CD109: variants seen among roughly 807,000 people sequenced by gnomAD.
CD109 encodes the protein CD109 antigen.
CD109 carries 149 observed loss-of-function variants against 165.8 expected under a neutral mutation model. That is an observed-to-expected ratio of 0.90 (90% CI 0.79 to 1.03). The LOEUF (loss-of-function observed/expected upper bound fraction) is 1.03. CD109 is among the 50% of genes least tolerant of loss of function. The probability of loss-of-function intolerance (pLI) is 0.00; values close to 1 mark genes in which losing one functional copy is unlikely to be tolerated. For missense variants in CD109, 1,712 were observed against 1,677.8 expected (o/e 1.02, Z -0.36); for synonymous variants, 585 against 592.1 (o/e 0.99, Z 0.18).
chr6:73,787,863 G>A (rs1397731194), intron 21 of CD109, among the ~76,000 whole-genome samples: 1 of 152,138 alleles, frequency 6.6e-6, no homozygotes, highest in African/African-American at 2.4e-5. Context: ...ATAAACACTT[G>A]TATTCTGGGG....
At chr6:73,687,834 T>C in the CD109 span, among the ~76,000 whole-genome samples, 1 of 152,172 alleles carries the variant, frequency 6.6e-6, no homozygotes, top group Non-Finnish European at 1.5e-5. Flanking sequence ...AAGGACGTGC[T>C]TTTCCCAGAC....
At chr6:73,689,851 C>T in the CD109 span, among the ~76,000 whole-genome samples, 2 of 152,020 alleles carry the variant, frequency 1.3e-5, no homozygotes, top group Non-Finnish European at 2.9e-5. Flanking sequence ...ATTATGATAC[C>T]ATTGATTATA....
intron 15 of CD109, among the ~76,000 whole-genome samples, chr6:73,779,462 C>A (rs1436072729): frequency 2.6e-5 from 4 of 152,026 alleles, no homozygotes; most frequent in East Asian, 1.9e-4. Flanking sequence ...GTTGGCCAGG[C>A]TGGTCTCAAA....
Position 73,736,539 on chromosome 6 carries a change from G to T in CD109, c.633+31G>T, listed in dbSNP as rs374844504. 1.6e-5 allele frequency: 26 copies of T among 1,591,346 alleles called. No homozygotes were observed. In the African/African-American group the frequency reaches 3.3e-4, roughly 20 times the overall value. On this transcript the variant is annotated intron_variant, in intron 5 of 32. Coordinates refer to ENST00000287097, the MANE Select transcript of CD109 (RefSeq NM_133493.5). Reference sequence around the variant, plus strand: ...TATAAATATATTTTTTGGGGGGAATGTTAAAGTGATTTAATTAGGTCAGGT... The same window carrying T: ...TATAAATATATTTTTTGGGGGGAATTTTAAAGTGATTTAATTAGGTCAGGT...
intron 2 of CD109, among the ~76,000 whole-genome samples, chr6:73,706,772 T>C (rs1170634206): frequency 6.6e-6 from 1 of 152,112 alleles, no homozygotes; most frequent in African/African-American, 2.4e-5. Context: ...GGTAAAGAGC[T>C]TGGAAATAAA....
intron 18 of CD109, among the ~76,000 whole-genome samples, chr6:73,782,993 T>TA (rs1774563116): frequency 6.6e-6 from 1 of 151,608 alleles, no homozygotes; most frequent in Admixed American, 6.6e-5. Flanking sequence ...TTTTTTTTTT[T>TA]AACTGAAGGG....
chr6:73,783,911 G>T (rs2150254095), intron 19 of CD109, 87 bp downstream of exon 19: 1 of 697,124 alleles, frequency 1.4e-6, no homozygotes, highest in Non-Finnish European at 2.5e-6. Context: ...TTAAATGACT[G>T]CTTATAATGT....
intron 4 of CD109, among the ~76,000 whole-genome samples, chr6:73,732,078 T>C (rs776374296): frequency 2.6e-5 from 4 of 152,138 alleles, no homozygotes; most frequent in Admixed American, 6.5e-5. Flanking sequence ...GGACATTTGA[T>C]CATTACTTGG....
intron 15 of CD109, among the ~76,000 whole-genome samples, chr6:73,771,910 A>G (rs1162918038): frequency 2.6e-5 from 4 of 152,208 alleles, no homozygotes; most frequent in Non-Finnish European, 5.9e-5. Context: ...AAAAGAGTAG[A>G]TTTGAAATGT....
rs557213399 is a variant in CD109 at position 73,715,214 on chromosome 6, C to T, written c.248-8037C>T. On this transcript the variant is annotated intron_variant, in intron 2 of 32. Coordinates refer to ENST00000287097, the MANE Select transcript of CD109 (RefSeq NM_133493.5). ...GGTGGAGGTTGCAGTGAGCTGAGAT[C>T]GTGCCACTGCACTCCAGCCTGGGTG... Among the ~76,000 whole-genome samples the T allele has an allele frequency of 5.9e-5, 9 of 152,018 alleles. No individual in the cohort carries two copies. The South Asian group carries it at 8.3e-4, about 14-fold the overall frequency.
chr6:73,717,596 G>A (rs997085395), intron 2 of CD109, among the ~76,000 whole-genome samples: 5 of 140,998 alleles, frequency 3.5e-5, no homozygotes, highest in African/African-American at 1.3e-4. Context: ...CTGGCATATA[G>A]AAATTCTACT....
At chr6:73,682,906 T>C in the CD109 span, among the ~76,000 whole-genome samples, 1 of 152,102 alleles carries the variant, frequency 6.6e-6, no homozygotes, top group African/African-American at 2.4e-5. Context: ...ACTGCTAGAG[T>C]GGCTGGGACA....
intron 4 of CD109, among the ~76,000 whole-genome samples, chr6:73,732,805 T>C (rs916898964): frequency 1.3e-5 from 2 of 152,246 alleles, no homozygotes; most frequent in African/African-American, 4.8e-5. Flanking sequence ...GATTTGCAGA[T>C]TCTTTGGGCT....
At position 73,818,555 on chromosome 6, in the gene CD109, G is replaced by A. The variant is rs199577035; in HGVS notation, c.4059+20G>A. ...GATTCTGTAAGTAGTAAAACATAAG[G>A]TAACTGTTGACAAAGCCACTGTGTT... On this transcript the variant is annotated intron_variant, in intron 31 of 32. Transcript: ENST00000287097. The A allele has an allele frequency of 1.2e-6, 2 of 1,606,738 alleles. No homozygotes were observed. The highest frequency in any genetic ancestry group is 1.7e-5 in the Admixed American group (1 of 58,626).
At chr6:73,716,622 T>C (rs1404776370) in intron 2 of CD109, among the ~76,000 whole-genome samples, 2 of 152,248 alleles carry the variant, frequency 1.3e-5, no homozygotes, top group Admixed American at 1.3e-4. Flanking sequence ...CATTTTTAAT[T>C]GGATTATTAG....
intron 7 of CD109, among the ~76,000 whole-genome samples, chr6:73,761,056 C>G (rs964376909): frequency 1.3e-5 from 2 of 150,966 alleles, no homozygotes; most frequent in East Asian, 1.9e-4. Context: ...CACACACACA[C>G]ACACACACAC....
Position 73,730,487 on chromosome 6 carries a change from C to T in CD109, c.420C>T (p.Tyr140=), listed in dbSNP as rs1223626793. ...TCATTCAAACAGACAAGGCCTTATA[C>T]AAGCCAAAGCAAGAAGTGAAGTTTC... The part of the protein sequence containing the change: ...SVFIQTDKAL[Y]KPKQEVKFRI... Residue 140 remains tyrosine, a synonymous_variant, in exon 4 of 33, where the codon TAC becomes TAT. Coordinates refer to ENST00000287097, the MANE Select transcript of CD109 (RefSeq NM_133493.5). 1 of 1,614,104 alleles carries T rather than the reference C, an allele frequency of 6.2e-7. No individual in the cohort carries two copies. Among genetic ancestry groups the T allele is most frequent in the Non-Finnish European group, 8.5e-7 (1 of 1,179,948 alleles).
intron 13 of CD109, 58 bp downstream of exon 13, chr6:73,767,068 T>C (rs1773882179): frequency 6.8e-7 from 1 of 1,466,614 alleles, no homozygotes; most frequent in East Asian, 2.3e-5. Context: ...TTTTATTCAC[T>C]TTTAAGTTCT....
At chr6:73,703,922 C>T (rs1413244761) in intron 2 of CD109, among the ~76,000 whole-genome samples, 4 of 152,144 alleles carry the variant, frequency 2.6e-5, no homozygotes, top group South Asian at 2.1e-4. Context: ...TGGTGGCTCA[C>T]GCCTATAATC....
Sources: allele counts gnomAD v4.1 joint callset (sites outside exome capture counted in the v4.1 genomes callset), GRCh38; gene constraint gnomAD v4.1.1; transcripts MANE v1.5; gene names NCBI Gene and HGNC (gene_info 2026-07-23, HGNC 2026-07-21).